SNX6: variants seen among roughly 807,000 people sequenced by gnomAD.
The protein encoded by SNX6 is sorting nexin-6.
SNX6 carries 34 observed loss-of-function variants against 63.0 expected under a neutral mutation model. The ratio of observed to expected loss-of-function variants is 0.54; its 90% CI spans 0.41 to 0.72. SNX6 has a LOEUF of 0.72. Ranked by LOEUF, SNX6 falls within the 30% of genes least tolerant of loss-of-function variation. SNX6 has a pLI of 0.00. For synonymous variants in SNX6, 170 were observed against 164.2 expected, an observed-to-expected ratio of 1.04 and a Z score of -0.27; for missense variants, 398 against 471.4, an observed-to-expected ratio of 0.84 and a Z score of 1.44.
rs773519590 is a variant in SNX6, at chr14:34,605,649, T to G, written c.339A>C (p.Gly113=). Reference sequence around the variant, plus strand: ...ATTCTTCCTTCGTCATTGACCCTTCTCCTTCACCAAGCTTCTGTAGTTTTT... The same window carrying G: ...ATTCTTCCTTCGTCATTGACCCTTCGCCTTCACCAAGCTTCTGTAGTTTTT... The part of the protein sequence containing the change: ...SREKLQKLGE[G]EGSMTKEEFT... Residue 113 remains glycine (G), a synonymous_variant, in exon 5 of 14, where the codon GGA becomes GGC. Coordinates refer to ENST00000362031, the MANE Select transcript of SNX6 (RefSeq NM_152233.4). 13 of 1,611,146 alleles carry G rather than the reference T, an allele frequency of 8.1e-6. No individual in the cohort carries two copies. Among genetic ancestry groups the G allele is most frequent in the Middle Eastern group, 3.3e-4 (2 of 6,072 alleles).
rs957571588 is a variant in SNX6, at chr14:34,568,035, A to G, written c.922-22T>C. ...GATCCTATAAAACAGAATGCTTCACAATAGTATATATACTGCATGTTTCCA... is the reference window on the plus strand; with the variant it reads ...GATCCTATAAAACAGAATGCTTCACGATAGTATATATACTGCATGTTTCCA... On this transcript the variant is annotated intron_variant, in intron 11 of 13. Coordinates refer to ENST00000362031, the MANE Select transcript of SNX6 (RefSeq NM_152233.4). 3 of 1,604,086 alleles carry G rather than the reference A, an allele frequency of 1.9e-6. No homozygotes were observed. The South Asian group carries it at 3.3e-5, about 18-fold the overall frequency.
intron 13 of SNX6, among the ~76,000 whole-genome samples, chr14:34,563,931 G>A (rs1210124700): frequency 6.6e-6 from 1 of 152,126 alleles, no homozygotes; most frequent in Non-Finnish European, 1.5e-5. Context: ...TAGAGACGGG[G>A]TTTTGCCATG....
intron 9 of SNX6, among the ~76,000 whole-genome samples, chr14:34,583,853 T>TTTTTC (rs1422810156): frequency 1.3e-5 from 2 of 151,104 alleles, no homozygotes; most frequent in Non-Finnish European, 3.0e-5. Context: ...AAGGTGGCTT[T>TTTTTC]TTTTTTTTTT....
At chr14:34,609,763 T>A in intron 2 of SNX6, 21 bp from the exon 3 acceptor site, 1 of 1,458,434 alleles carries the variant, frequency 6.9e-7, no homozygotes, top group Non-Finnish European at 9.5e-7. Context: ...AAAACCAGTA[T>A]CTTCATGAAA....
chr14:34,604,018 T>C lies in SNX6; in HGVS notation c.393-547A>G, dbSNP rs532885282. The C allele has an allele frequency of 2.5e-4, 184 of 747,042 alleles. 1 individual carries two copies. The South Asian group carries it at 5.0e-3, about 20-fold the overall frequency. The allele number at this position is 747,042 out of a possible 1,614,324, so 46.3% of individuals were successfully genotyped here. A position where few individuals can be genotyped will look rare whatever the true frequency, so the allele number is the denominator to read the frequency against. ...AAAATATTTTAATACCAGCAGTGAA[T>C]CCCAGAGACCACAAAGTAATACATG... is the stretch of plus-strand genomic sequence containing the variant. On this transcript the variant is annotated intron_variant, in intron 5 of 13. Coordinates refer to ENST00000362031, the MANE Select transcript of SNX6 (RefSeq NM_152233.4).
rs752460563 is a variant in SNX6, at chr14:34,629,895, G to T, written c.54+12C>A. 6.4e-7 allele frequency: 1 copy of T among 1,556,456 alleles called. No individual in the cohort carries two copies. Among genetic ancestry groups the T allele is most frequent in the Non-Finnish European group, 8.7e-7 (1 of 1,150,668 alleles). On this transcript the variant is annotated intron_variant, in intron 2 of 13. Coordinates refer to ENST00000362031, the MANE Select transcript of SNX6 (RefSeq NM_152233.4). The stretch of plus-strand genomic sequence containing the variant: ...TCCAGGGTCCCGCGAGCGAAAGGAA[G>T]GCAGAACTTACTCCGCGGTCCTCTT...
chr14:34,586,845 T>C lies in SNX6; in HGVS notation c.719-540A>G, dbSNP rs566095321. On this transcript the variant is annotated intron_variant, in intron 8 of 13. Transcript: ENST00000362031. ...TAACACGGTAAAACCCCGTCTCTAC[T>C]AAAAATACAAAATATTAGCCGGGCA... Among the ~76,000 whole-genome samples, 58 of 151,424 alleles carry C rather than the reference T, an allele frequency of 3.8e-4. 1 individual carries two copies. Among genetic ancestry groups the C allele is most frequent in the African/African-American group, 1.3e-3 (54 of 41,280 alleles).
intron 2 of SNX6, among the ~76,000 whole-genome samples, chr14:34,628,565 G>C (rs982118508): frequency 6.6e-6 from 1 of 152,032 alleles, no homozygotes; most frequent in African/African-American, 2.4e-5. Flanking sequence ...GGAGGTCAAG[G>C]CTGCAGTGAG....
intron 5 of SNX6, 42 bp downstream of exon 5, chr14:34,605,554 A>G: frequency 6.9e-7 from 1 of 1,457,868 alleles, no homozygotes; most frequent in Non-Finnish European, 9.0e-7. Context: ...AAAGGCAACA[A>G]CAACCAAAAA....
chr14:34,591,515 C>T (rs1416779292), intron 8 of SNX6, among the ~76,000 whole-genome samples: 1 of 151,874 alleles, frequency 6.6e-6, no homozygotes, highest in East Asian at 1.9e-4. Context: ...TTGCTTGAAC[C>T]TGGCAATGGC....
intron 9 of SNX6, among the ~76,000 whole-genome samples, chr14:34,585,728 T>C (rs555936103): frequency 1.2e-4 from 18 of 151,584 alleles, no homozygotes; most frequent in South Asian, 1.0e-3. Context: ...CCCGAGTAGC[T>C]AGCTGGGATT....
chr14:34,605,423 G>T (rs1882977744), intron 5 of SNX6, 173 bp downstream of exon 5: 1 of 438,950 alleles, frequency 2.3e-6, no homozygotes, highest in African/African-American at 2.1e-5. Context: ...TAATTTTCCT[G>T]TAGGCTCTGA....
rs953703903 is a variant in SNX6 at position 34,593,130 on chromosome 14, C to A, written c.633G>T (p.Glu211Asp). Reference protein sequence around the residue: ...SGVKDVDDFFEHERTFLLEYH... With the variant: ...SGVKDVDDFFDHERTFLLEYH... ...ACTCCAAAAGAAATGTTCGTTCGTG[C>A]TCAAAGAAATCATCTACATCCTATA... Residue 211 changes from glutamate (E) to aspartate (D), a missense_variant, in exon 8 of 14, where the codon GAG (glutamate) becomes GAT (aspartate). By Grantham distance (45) the Glu-to-Asp change is conservative. Coordinates refer to ENST00000362031, the MANE Select transcript of SNX6 (RefSeq NM_152233.4). The A allele has an allele frequency of 3.7e-6, 6 of 1,604,330 alleles. No individual in the cohort carries two copies. The highest frequency in any genetic ancestry group is 5.1e-6 in the Non-Finnish European group (6 of 1,176,606).
At chr14:34,629,579 G>C (rs1205465248) in intron 2 of SNX6, 1 of 607,196 alleles carries the variant, frequency 1.6e-6, no homozygotes, top group South Asian at 1.5e-5. Context: ...CCAAAGTGTC[G>C]AGGGAGGGTG....
chr14:34,568,547 G>A (rs1224191423), intron 11 of SNX6: 2 of 531,742 alleles, frequency 3.8e-6, no homozygotes, highest in Non-Finnish European at 6.8e-6. Context: ...TGTTGCCCAG[G>A]CAGGTCTCAA....
At chr14:34,606,190 T>C (rs977901735) in intron 4 of SNX6, among the ~76,000 whole-genome samples, 1 of 140,372 alleles carries the variant, frequency 7.1e-6, no homozygotes, top group African/African-American at 2.7e-5. Flanking sequence ...AAAAAAGTTA[T>C]CTAATCTTTT....
intron 2 of SNX6, among the ~76,000 whole-genome samples, chr14:34,625,744 A>T (rs79676455): frequency 0.067 from 10,073 of 149,554 alleles, 778 homozygotes; most frequent in African/African-American, 0.2. Flanking sequence ...AAAAAAATTT[A>T]AAAAAAAAAT....
intron 10 of SNX6, 95 bp downstream of exon 10, chr14:34,581,464 CTT>C (rs1881931827): frequency 1.4e-6 from 1 of 712,840 alleles, no homozygotes; most frequent in South Asian, 2.4e-5. Context: ...AGTGATCACT[CTT>C]TTAAAAAAAT....
chr14:34,590,090 G>A (rs141677596), intron 8 of SNX6, among the ~76,000 whole-genome samples: 1 of 152,176 alleles, frequency 6.6e-6, no homozygotes, highest in African/African-American at 2.4e-5. Flanking sequence ...GGGTGACAGA[G>A]CGAGACCCTG....
Sources: gnomAD v4.1 joint callset for allele counts (sites outside exome capture counted in the v4.1 genomes callset) on GRCh38, gnomAD v4.1.1 for gene constraint, MANE v1.5 for transcripts, NCBI Gene and HGNC (gene_info 2026-07-23, HGNC 2026-07-21) for gene names.